PAX1: variants seen among roughly 807,000 people sequenced by gnomAD.
PAX1 encodes paired box 1.
PAX1 carries 18 observed loss-of-function variants against 35.6 expected under a neutral mutation model. The ratio of observed to expected loss-of-function variants is 0.50; its 90% CI spans 0.35 to 0.75. PAX1 has a LOEUF of 0.75. Among genes scored for constraint, PAX1 ranks in the 30% least tolerant of loss-of-function variants. The pLI is 0.01. For missense variants in PAX1, 760 were observed against 661.5 expected, an observed-to-expected ratio of 1.15 and a Z score of -1.63; for synonymous variants, 397 against 305.2, an observed-to-expected ratio of 1.30 and a Z score of -3.14.
chr20:21,714,457 G>T lies in PAX1; in HGVS notation c.1283-14G>T. 1 of 1,553,128 alleles carries T rather than the reference G, an allele frequency of 6.4e-7. No individual in the cohort carries two copies. On this transcript the variant is annotated splice_polypyrimidine_tract_variant and intron_variant, in intron 4 of 4. Coordinates refer to ENST00000613128, the MANE Select transcript of PAX1 (RefSeq NM_001257096.2). ...CTAGGTAGTGATCCGACGCCTCTGT[G>T]CTTCCTCCCGCAGTGGCTGACAGGA...
rs1160436895 is a variant in PAX1 at position 21,715,669 on chromosome 20, TC to T, written c.*1108del. 1 of 152,246 alleles carries T rather than the reference TC, an allele frequency of 6.6e-6. No individual in the cohort carries two copies. Among genetic ancestry groups the T allele is most frequent in the East Asian group, 1.9e-4 (1 of 5,180 alleles). The allele number at this position is 152,246 out of a possible 1,614,324, so 9.4% of individuals were successfully genotyped here. On this transcript the variant is annotated 3_prime_UTR_variant, in exon 5 of 5. Coordinates refer to ENST00000613128, the MANE Select transcript of PAX1 (RefSeq NM_001257096.2). ...TAAACACATCAGCACTTTTTGGTGT[TC>T]AGGGGTCAGCACATTTGTTAATTTA...
chr20:21,707,830 ACCATAG>A (rs977446137), intron 2 of PAX1, among the ~76,000 whole-genome samples: 11 of 152,272 alleles, frequency 7.2e-5, no homozygotes, highest in Non-Finnish European at 1.5e-4. Context: ...AGCAAAATTC[ACCATAG>A]CCTAGGAGGA....
Position 21,714,758 on chromosome 20 carries a change from C to T in PAX1, c.*196C>T, listed in dbSNP as rs368125977. The T allele has an allele frequency of 1.6e-5, 26 of 1,602,040 alleles. No individual in the cohort carries two copies. Among genetic ancestry groups the T allele is most frequent in the Middle Eastern group, 3.3e-4 (2 of 6,084 alleles). On this transcript the variant is annotated 3_prime_UTR_variant, in exon 5 of 5. Coordinates refer to ENST00000613128, the MANE Select transcript of PAX1 (RefSeq NM_001257096.2). ...GCCTCTGGCCGGACCCACCACACTT[C>T]CTTTATTGGTCTGGGTTTTTAGGCT... is the stretch of plus-strand genomic sequence containing the variant.
At position 21,715,079 on chromosome 20, in the gene PAX1, T is replaced by G. The variant is rs1985326085; in HGVS notation, c.*517T>G. The G allele has an allele frequency of 1.8e-6, 1 of 562,168 alleles. No individual in the cohort carries two copies. Among genetic ancestry groups the G allele is most frequent in the Non-Finnish European group, 3.2e-6 (1 of 315,342 alleles). 34.8% of individuals were successfully genotyped at this position (562,168 alleles called of 1,614,324 possible). ...TGCTCCAGTCCCGCTTCTTCCCCCG[T>G]CTCCTCTTTCTAGTCCTCTATATGC... On this transcript the variant is annotated 3_prime_UTR_variant, in exon 5 of 5. Transcript: ENST00000613128.
intron 4 of PAX1, among the ~76,000 whole-genome samples, chr20:21,712,986 T>A (rs6047590): frequency 0.17 from 25,537 of 152,136 alleles, 5,116 homozygotes; most frequent in African/African-American, 0.48. Flanking sequence ...GTACCCACCC[T>A]TGTTGTCCTA....
intron 2 of PAX1, among the ~76,000 whole-genome samples, chr20:21,707,745 C>T (rs562319803): frequency 1.3e-5 from 2 of 152,202 alleles, no homozygotes; most frequent in South Asian, 2.1e-4. Flanking sequence ...GATTTCTTTG[C>T]GCTCTCCCCA....
chr20:21,708,408 G>T (rs2122137286), intron 2 of PAX1, 150 bp from the exon 3 acceptor site: 3 of 897,322 alleles, frequency 3.3e-6, no homozygotes, highest in Non-Finnish European at 5.7e-6. Flanking sequence ...GAACATTCCA[G>T]TCCCTGCCGC....
At chr20:21,713,996 G>A (rs1237476385) in intron 4 of PAX1, among the ~76,000 whole-genome samples, 4 of 152,240 alleles carry the variant, frequency 2.6e-5, no homozygotes, top group African/African-American at 9.6e-5. Flanking sequence ...CGAGCCGCGG[G>A]TGTCAGCGGA....
rs146191505 is a variant in PAX1, at chr20:21,706,404, C to G, written c.287-34C>G. The G allele has an allele frequency of 1.0e-3, 1,640 of 1,609,266 alleles. 6 individuals are homozygous for G. The highest frequency in any genetic ancestry group is 1.3e-3 in the South Asian group (115 of 91,080). On this transcript the variant is annotated intron_variant, in intron 1 of 4. Coordinates refer to ENST00000613128, the MANE Select transcript of PAX1 (RefSeq NM_001257096.2). The surrounding 1 kb of genome is among the most constrained non-coding windows in gnomAD (Gnocchi z 5.3). ...GGCTAACCCGCCGGGTGTTTTCTCCCCCTCCGGCTCACTCTTGTCTGGCGC... is the reference window on the plus strand; with the variant it reads ...GGCTAACCCGCCGGGTGTTTTCTCCGCCTCCGGCTCACTCTTGTCTGGCGC...
At position 21,717,810 on chromosome 20, in the gene PAX1, A is replaced by T. The variant is rs1003960504; in HGVS notation, c.*3248A>T. 12 of 152,136 alleles carry T rather than the reference A, an allele frequency of 7.9e-5. No individual in the cohort carries two copies. The highest frequency in any genetic ancestry group is 4.4e-5 in the Non-Finnish European group (3 of 68,034). 9.4% of individuals were successfully genotyped at this position (152,136 alleles called of 1,614,324 possible). The stretch of plus-strand genomic sequence containing the variant: ...AATAATATATGCGTATCACTAAAAA[A>T]CTCAAGCAGTACAGAAACATTAAAA... On this transcript the variant is annotated 3_prime_UTR_variant, in exon 5 of 5. Transcript: ENST00000613128.
At position 21,714,476 on chromosome 20, in the gene PAX1, G is replaced by T; in HGVS notation, c.1288G>T (p.Asp430Tyr). Reference protein sequence around the residue: ...TFKHPSREVADRKPPSSGSKA... With the variant: ...TFKHPSREVAYRKPPSSGSKA... ...CTCTGTGCTTCCTCCCGCAGTGGCT[G>T]ACAGGAAGCCTCCCAGCTCCGGCAG... Residue 430 changes from aspartate to tyrosine, a missense_variant, in exon 5 of 5, where the codon GAC becomes TAC. By Grantham distance (160) the Asp-to-Tyr change is radical. Coordinates refer to ENST00000613128, the MANE Select transcript of PAX1 (RefSeq NM_001257096.2). 1 of 1,576,820 alleles carries T rather than the reference G, an allele frequency of 6.3e-7. No homozygotes were observed. Among genetic ancestry groups the T allele is most frequent in the South Asian group, 1.2e-5 (1 of 86,056 alleles).
chr20:21,709,478 T>A, intron 4 of PAX1, 34 bp downstream of exon 4: 1 of 1,464,648 alleles, frequency 6.8e-7, no homozygotes, highest in Non-Finnish European at 9.1e-7. Flanking sequence ...GGGTGGATGC[T>A]GGAAGGGTTA....
intron 2 of PAX1, chr20:21,708,197 C>T: frequency 2.4e-6 from 1 of 415,336 alleles, no homozygotes; most frequent in South Asian, 2.2e-5. Flanking sequence ...GTTGAGAAAT[C>T]AATACAATTT....
Position 21,705,986 on chromosome 20 carries a change from C to A in PAX1, c.274C>A (p.Pro92Thr). The A allele has an allele frequency of 6.8e-7, 1 of 1,480,518 alleles. No homozygotes were observed. The highest frequency in any genetic ancestry group is 1.3e-5 in the South Asian group (1 of 75,292). 91.7% of individuals were successfully genotyped at this position (1,480,518 alleles called of 1,614,324 possible). Residue 92 changes from proline (P) to threonine (T), a missense_variant, in exon 1 of 5, where the codon CCG becomes ACG. Transcript: ENST00000613128. ...CCCCGGCGCCAGGCAGCTGGCCGGCCCGCTCGCTATGGGTAAGGGGCGGGC... is the reference window on the plus strand; with the variant it reads ...CCCCGGCGCCAGGCAGCTGGCCGGCACGCTCGCTATGGGTAAGGGGCGGGC... ...GHPGARQLAG[P>T]LAMEQTYGEV...
intron 4 of PAX1, among the ~76,000 whole-genome samples, chr20:21,713,670 G>T (rs1011229575): frequency 3.3e-5 from 5 of 152,186 alleles, no homozygotes; most frequent in Non-Finnish European, 5.9e-5. Context: ...ACAGGCTTGC[G>T]CAATCGTGGC....
chr20:21,716,341 G>C lies in PAX1; in HGVS notation c.*1779G>C, dbSNP rs1445487963. The C allele has an allele frequency of 6.6e-6, 1 of 152,120 alleles. No individual in the cohort carries two copies. Among genetic ancestry groups the C allele is most frequent in the Non-Finnish European group, 1.5e-5 (1 of 68,038 alleles). 9.4% of individuals were successfully genotyped at this position (152,120 alleles called of 1,614,324 possible). ...TTTGAATTGAAGTTGCTGTTTGTGA[G>C]TGGAGCTGCCTGCTTGGTGTGTGCA... On this transcript the variant is annotated 3_prime_UTR_variant, in exon 5 of 5. Transcript: ENST00000613128.
At chr20:21,708,431 T>C in intron 2 of PAX1, 127 bp from the exon 3 acceptor site, 2 of 1,042,440 alleles carry the variant, frequency 1.9e-6, no homozygotes, top group East Asian at 4.7e-5. Context: ...CCTGGTGGAG[T>C]GTCAGGCCAC....
rs113207408 is a variant in PAX1 at position 21,713,373 on chromosome 20, C to CT, written c.1283-1088dup. 2.4e-3 allele frequency among the ~76,000 whole-genome samples: 303 copies of CT among 124,240 alleles called. 4 individuals are homozygous for CT. The highest frequency in any genetic ancestry group is 2.6e-3 in the South Asian group (11 of 4,158). The allele number at this position is 124,240 out of a possible 152,430, so 81.5% of individuals were successfully genotyped here. ...AAACCTCAACGAAACCGTGTGTTTT[C>CT]TTTTTTTTTTGTGTGTGTGTGTGTG... On this transcript the variant is annotated intron_variant, in intron 4 of 4. Coordinates refer to ENST00000613128, the MANE Select transcript of PAX1 (RefSeq NM_001257096.2).
At chr20:21,709,758 G>C (rs1985142477) in intron 4 of PAX1, among the ~76,000 whole-genome samples, 2 of 151,956 alleles carry the variant, frequency 1.3e-5, no homozygotes, top group South Asian at 4.2e-4. Context: ...TGGCACCTTC[G>C]ACCAAGTTCC....
Sources: allele counts gnomAD v4.1 joint callset (sites outside exome capture counted in the v4.1 genomes callset), GRCh38; gene constraint gnomAD v4.1.1; non-coding constraint Gnocchi (gnomAD v3.1); transcripts MANE v1.5; gene names NCBI Gene and HGNC (gene_info 2026-07-23, HGNC 2026-07-21).